The following SATB1 variants were observed in gnomAD, a reference collection of about 807,000 sequenced individuals.
The protein encoded by SATB1 is SATB homeobox 1.
SATB1 carries 11 observed loss-of-function variants against 86.9 expected under a neutral mutation model. The observed-to-expected ratio is 0.13, with a 90% CI of 0.08 to 0.21. SATB1 has a LOEUF of 0.21. Among genes scored for constraint, SATB1 ranks in the 10% least tolerant of loss-of-function variants. The pLI, the probability that SATB1 is intolerant of heterozygous loss-of-function variation, is 1.00. For synonymous variants in SATB1, 357 were observed against 357.2 expected, an observed-to-expected ratio of 1.00 and a Z score of 0.01; for missense variants, 551 against 937.6, an observed-to-expected ratio of 0.59 and a Z score of 5.39.
upstream of SATB1, among the ~76,000 whole-genome samples, chr3:18,441,923 C>A (rs1184418443): frequency 6.6e-6 from 1 of 152,020 alleles, no homozygotes; most frequent in Non-Finnish European, 1.5e-5. Context: ...AGAAATAAAC[C>A]AATATTCATT....
In SATB1 at chr3:18,443,716, G is replaced by A. The variant is rs1387711287; in HGVS notation, c.-25+1802C>T. 2.0e-5 allele frequency among the ~76,000 whole-genome samples: 3 copies of A among 152,118 alleles called. No individual in the cohort carries two copies. Among genetic ancestry groups the A allele is most frequent in the African/African-American group, 7.2e-5 (3 of 41,410 alleles). ...TCCCAAACCCCGGTTCTGCCGGCCC[G>A]GGAGCCTTAGCACTGGAGCAATAGG... On this transcript the variant is annotated intron_variant, in intron 1 of 3. Transcript: ENST00000415069. The surrounding 1 kb of genome is among the most constrained non-coding windows in gnomAD (Gnocchi z 4.4).
At chr3:18,407,581 T>C (rs1403987583) in intron 5 of SATB1, among the ~76,000 whole-genome samples, 1 of 152,002 alleles carries the variant, frequency 6.6e-6, no homozygotes, top group Non-Finnish European at 1.5e-5. Context: ...TGCGAGACAT[T>C]GGTACTATTA....
At chr3:18,403,204 ACAGAG>A (rs1204088049) in intron 5 of SATB1, among the ~76,000 whole-genome samples, 1 of 152,142 alleles carries the variant, frequency 6.6e-6, no homozygotes, top group Non-Finnish European at 1.5e-5. Context: ...AACTGTTTAC[ACAGAG>A]CAATCAGGAG....
chr3:18,362,112 C>A (rs1404471498), intron 9 of SATB1, among the ~76,000 whole-genome samples: 1 of 152,040 alleles, frequency 6.6e-6, no homozygotes, highest in Non-Finnish European at 1.5e-5. Flanking sequence ...TGTCAATACT[C>A]CCTCAAACAT....
intron 1 of SATB1, among the ~76,000 whole-genome samples, chr3:18,422,058 G>T (rs898423499): frequency 6.6e-6 from 1 of 152,042 alleles, no homozygotes; most frequent in Non-Finnish European, 1.5e-5. Context: ...TTAAAGTATA[G>T]TTTTAATTAG....
chr3:18,445,174 G>A, intron 1 of SATB1: 1 of 959,234 alleles, frequency 1.0e-6, no homozygotes. Flanking sequence ...CAGCGGGGCG[G>A]CCAGGGCCCG....
rs543997409 is a variant in SATB1 at position 18,376,289 on chromosome 3, T to C, written c.1575+1881A>G. The stretch of plus-strand genomic sequence containing the variant: ...AAATGATGGCGGGGGTGGGGGTAGA[T>C]TGAATTAAATGACAGGTGATAGATA... On this transcript the variant is annotated intron_variant, in intron 9 of 10. Transcript: ENST00000338745. Among the ~76,000 whole-genome samples the C allele has an allele frequency of 4.6e-5, 7 of 151,932 alleles. 1 individual carries two copies. The South Asian group carries it at 6.2e-4, about 14-fold the overall frequency.
chr3:18,414,872 C>T, intron 5 of SATB1: 1 of 401,814 alleles, frequency 2.5e-6, no homozygotes, highest in Non-Finnish European at 4.4e-6. Flanking sequence ...GAGTCTTCCA[C>T]TGAACTGTTT....
At chr3:18,425,440 G>GGAGCGGGC (rs1232215001), upstream of SATB1, 1 of 151,560 alleles carries the variant, frequency 6.6e-6, no homozygotes, top group Non-Finnish European at 1.5e-5. Context: ...CAGGGTGCAC[G>GGAGCGGGC]GAGCGGGCGG....
At chr3:18,381,495 T>C (rs1696061156) in intron 8 of SATB1, among the ~76,000 whole-genome samples, 1 of 152,168 alleles carries the variant, frequency 6.6e-6, no homozygotes, top group South Asian at 2.1e-4. Context: ...CATTTTAAAA[T>C]TGAGAAAACT....
intron 5 of SATB1, among the ~76,000 whole-genome samples, chr3:18,413,834 C>T (rs781123158): frequency 6.6e-6 from 1 of 152,010 alleles, no homozygotes; most frequent in Non-Finnish European, 1.5e-5. Context: ...TAATTATAAA[C>T]AATTCATTTG....
At chr3:18,385,676 C>T (rs1409984925) in intron 8 of SATB1, among the ~76,000 whole-genome samples, 2 of 151,208 alleles carry the variant, frequency 1.3e-5, no homozygotes, top group Non-Finnish European at 2.9e-5. Context: ...GAGTCTAATA[C>T]ACTAACTAGC....
chr3:18,365,176 T>C (rs896149411), intron 9 of SATB1, among the ~76,000 whole-genome samples: 2 of 152,242 alleles, frequency 1.3e-5, no homozygotes, highest in Non-Finnish European at 2.9e-5. Flanking sequence ...CTCATTGTTT[T>C]CCTGGTCCTG....
chr3:18,420,894 C>CCCTTCG lies in SATB1; in HGVS notation c.68_73dup (p.Lys24_Gly25insAlaLys). On this transcript the variant is annotated inframe_insertion, in exon 2 of 11. Transcript: ENST00000338745. ...CAGGCGGGCAATCTTGGCTGGTGGA[C>CCCTTCG]CCTTCGGATCACTCACATTGTTAGA... is the stretch of plus-strand genomic sequence containing the variant. 1 of 1,614,208 alleles carries CCCTTCG rather than the reference C, an allele frequency of 6.2e-7. No homozygotes were observed.
intron 9 of SATB1, among the ~76,000 whole-genome samples, chr3:18,354,209 G>A (rs1010024997): frequency 1.3e-5 from 2 of 152,154 alleles, no homozygotes; most frequent in African/African-American, 4.8e-5. Context: ...GTAAATATTT[G>A]CCATCTGAAT....
At chr3:18,403,839 C>T (rs747629582) in intron 5 of SATB1, among the ~76,000 whole-genome samples, 9 of 152,012 alleles carry the variant, frequency 5.9e-5, no homozygotes, top group South Asian at 2.1e-4. Context: ...TGTCAAACTA[C>T]TGGCTTTTAT....
At chr3:18,430,796 A>G (rs6808523) in intron 2 of SATB1, among the ~76,000 whole-genome samples, 12,216 of 152,280 alleles carry the variant, frequency 0.08, 706 homozygotes, top group African/African-American at 0.14. Flanking sequence ...ATCAAAAGTT[A>G]TTTCCCTAAT....
At chr3:18,434,612 A>G (rs1464340237) in intron 2 of SATB1, among the ~76,000 whole-genome samples, 1 of 151,996 alleles carries the variant, frequency 6.6e-6, no homozygotes, top group Non-Finnish European at 1.5e-5. Flanking sequence ...AAAGATAGAG[A>G]AACTAGATTT....
chr3:18,366,373 T>C (rs1045396216), intron 9 of SATB1, among the ~76,000 whole-genome samples: 21 of 152,180 alleles, frequency 1.4e-4, no homozygotes, highest in African/African-American at 4.8e-4. Context: ...TCGAGTATTC[T>C]CACATTGCCC....
Sources: allele counts gnomAD v4.1 joint callset (sites outside exome capture counted in the v4.1 genomes callset), GRCh38; gene constraint gnomAD v4.1.1; non-coding constraint Gnocchi (gnomAD v3.1); transcripts MANE v1.5; gene names NCBI Gene and HGNC (gene_info 2026-07-23, HGNC 2026-07-21).